The following CPLX1 variants were observed in gnomAD, a reference collection of about 807,000 sequenced individuals.
CPLX1 encodes complexin 1.
Under a neutral mutation model 15.6 loss-of-function variants are expected in CPLX1, and 6 were observed. The ratio of observed to expected loss-of-function variants is 0.39; its 90% CI spans 0.21 to 0.76. The LOEUF (loss-of-function observed/expected upper bound fraction) is 0.76, where lower values mean the gene tolerates loss of function less well. Among genes scored for constraint, CPLX1 ranks in the 30% least tolerant of loss-of-function variants. The pLI, the probability that CPLX1 is intolerant of heterozygous loss-of-function variation, is 0.43. For missense variants in CPLX1, 242 were observed against 188.6 expected (o/e 1.28, Z -1.66); for synonymous variants, 91 against 75.2 (o/e 1.21, Z -1.08).
At chr4:791,126 G>C (rs1303105896) in intron 3 of CPLX1, among the ~76,000 whole-genome samples, 1 of 149,012 alleles carries the variant, frequency 6.7e-6, no homozygotes, top group Non-Finnish European at 1.5e-5. Context: ...GCCTGGCTGA[G>C]ATGGTGCATT....
At chr4:791,694 T>C (rs1053437582) in intron 3 of CPLX1, among the ~76,000 whole-genome samples, 5 of 152,296 alleles carry the variant, frequency 3.3e-5, no homozygotes, top group South Asian at 2.1e-4. Flanking sequence ...GAAACACAGC[T>C]TCCGGCCTGC....
chr4:809,003 C>G (rs182836157), intron 2 of CPLX1, among the ~76,000 whole-genome samples: 2 of 152,234 alleles, frequency 1.3e-5, no homozygotes, highest in Admixed American at 6.5e-5. Flanking sequence ...AGATAGAGAG[C>G]GCGCGAGTGC....
chr4:787,932 T>C (rs3816674), intron 3 of CPLX1: 269,663 of 985,102 alleles, frequency 0.27, 39,442 homozygotes, highest in African/African-American at 0.55. Flanking sequence ...GGAGCTGGAC[T>C]TCCATCCCCT....
At chr4:812,206 C>A (rs945168396) in intron 2 of CPLX1, among the ~76,000 whole-genome samples, 1 of 152,114 alleles carries the variant, frequency 6.6e-6, no homozygotes, top group Non-Finnish European at 1.5e-5. Context: ...TCCCGAGTAG[C>A]TGGGACTACA....
chr4:812,619 A>G (rs547039037), intron 2 of CPLX1, among the ~76,000 whole-genome samples: 1 of 152,300 alleles, frequency 6.6e-6, no homozygotes, highest in Admixed American at 6.5e-5. Context: ...ATAAGAGAGG[A>G]AAGGACCAAA....
At chr4:813,690 A>G (rs1358421864) in intron 2 of CPLX1, among the ~76,000 whole-genome samples, 3 of 152,124 alleles carry the variant, frequency 2.0e-5, no homozygotes, top group Non-Finnish European at 4.4e-5. Context: ...CAGAGCCCTC[A>G]CTCAAGCCCA....
intron 3 of CPLX1, among the ~76,000 whole-genome samples, chr4:789,491 G>A (rs1042636819): frequency 3.3e-5 from 5 of 152,268 alleles, no homozygotes; most frequent in African/African-American, 1.2e-4. Context: ...ACACCTCCTA[G>A]CCGCTGTGGG....
intron 2 of CPLX1, among the ~76,000 whole-genome samples, chr4:814,787 A>G (rs1746718996): frequency 6.6e-6 from 1 of 152,180 alleles, no homozygotes; most frequent in African/African-American, 2.4e-5. Flanking sequence ...GACACAAACC[A>G]CCGGGCATCT....
chr4:791,713 C>A (rs921484303), intron 3 of CPLX1, among the ~76,000 whole-genome samples: 16 of 152,196 alleles, frequency 1.1e-4, no homozygotes, highest in African/African-American at 3.1e-4. Context: ...GCTGGGCCTG[C>A]TGCGGCCCCT....
chr4:786,835 C>T (rs1746008283), intron 3 of CPLX1, 137 bp from the exon 4 acceptor site: 2 of 1,392,150 alleles, frequency 1.4e-6, no homozygotes, highest in Non-Finnish European at 1.9e-6. Flanking sequence ...CACAAGGACC[C>T]CAGAAGGAGA....
chr4:787,832 C>G (rs974162123), intron 3 of CPLX1: 1 of 985,424 alleles, frequency 1.0e-6, no homozygotes, highest in Admixed American at 6.1e-5. Context: ...GGTCAGGCCA[C>G]GGAACTACGG....
intron 2 of CPLX1, among the ~76,000 whole-genome samples, chr4:795,473 C>T (rs2152643957): frequency 6.6e-6 from 1 of 152,350 alleles, no homozygotes; most frequent in East Asian, 1.9e-4. Flanking sequence ...GCGGGGCGGT[C>T]CCACGTGGTG....
intron 2 of CPLX1, among the ~76,000 whole-genome samples, chr4:807,250 C>T (rs1450471659): frequency 1.3e-5 from 2 of 152,214 alleles, no homozygotes; most frequent in Admixed American, 6.5e-5. Context: ...CGCATGTTCT[C>T]ACTCGTAAGT....
At chr4:789,852 G>A (rs754056264) in intron 3 of CPLX1, among the ~76,000 whole-genome samples, 17 of 152,174 alleles carry the variant, frequency 1.1e-4, no homozygotes, top group Admixed American at 2.6e-4. Context: ...GGGGTGCCAC[G>A]GCCCAGAGGA....
intron 2 of CPLX1, among the ~76,000 whole-genome samples, chr4:793,526 T>A (rs1361134879): frequency 7.2e-5 from 11 of 152,194 alleles, no homozygotes; most frequent in Non-Finnish European, 4.4e-5. Context: ...CGGGGAGCCC[T>A]GGCCCTCGGC....
intron 3 of CPLX1, chr4:788,523 G>T: frequency 1.0e-6 from 1 of 985,488 alleles, no homozygotes. Context: ...GAAACGAAGA[G>T]CACAGGGTAG....
chr4:804,814 C>T, intron 2 of CPLX1: 1 of 985,426 alleles, frequency 1.0e-6, no homozygotes, highest in Non-Finnish European at 1.2e-6. Context: ...CGGTCGTCAG[C>T]CTGGAGGCCG....
chr4:824,161 G>A (rs181607272), intron 2 of CPLX1, among the ~76,000 whole-genome samples: 1 of 152,368 alleles, frequency 6.6e-6, no homozygotes, highest in East Asian at 1.9e-4. Flanking sequence ...GCCCTGTAAA[G>A]CCTACGCCAG....
chr4:788,943 A>G (rs986731400), intron 3 of CPLX1, among the ~76,000 whole-genome samples: 1 of 152,250 alleles, frequency 6.6e-6, no homozygotes, highest in East Asian at 1.9e-4. Flanking sequence ...CAGGGGAGTG[A>G]CCCTTGGGGC....
Sources: gnomAD v4.1 joint callset for allele counts (sites outside exome capture counted in the v4.1 genomes callset) on GRCh38, gnomAD v4.1.1 for gene constraint, MANE v1.5 for transcripts, NCBI Gene and HGNC (gene_info 2026-07-23, HGNC 2026-07-21) for gene names.